The following PRR16 variants were observed in gnomAD, a reference collection of about 807,000 sequenced individuals.
The protein encoded by PRR16 is protein Largen.
PRR16 carries 6 observed loss-of-function variants against 18.2 expected under a neutral mutation model. The ratio of observed to expected loss-of-function variants is 0.33; its 90% CI spans 0.18 to 0.65. PRR16 has a LOEUF of 0.65. Ranked by LOEUF, PRR16 falls within the 30% of genes least tolerant of loss-of-function variation. The probability of loss-of-function intolerance (pLI) is 0.74; values close to 1 mark genes in which losing one functional copy is unlikely to be tolerated. For missense variants in PRR16, 412 were observed against 376.6 expected (o/e 1.09, Z -0.78); for synonymous variants, 151 against 147.8 (o/e 1.02, Z -0.16).
the PRR16 span, among the ~76,000 whole-genome samples, chr5:120,754,137 T>TAATATATAATATGTA: frequency 1.8e-3 from 184 of 100,440 alleles, 1 homozygote; most frequent in African/African-American, 5.9e-3. Context: ...ATATTCCGCT[T>TAATATATAATATGTA]AATATATAAT....
chr5:120,549,491 C>T (rs1035956449), intron 1 of PRR16, among the ~76,000 whole-genome samples: 1 of 151,922 alleles, frequency 6.6e-6, no homozygotes, highest in Non-Finnish European at 1.5e-5. Context: ...GTGGTCTGTT[C>T]CATCAACTAA....
chr5:120,638,007 T>G (rs1228661123), intron 1 of PRR16, among the ~76,000 whole-genome samples: 1 of 152,192 alleles, frequency 6.6e-6, no homozygotes, highest in Non-Finnish European at 1.5e-5. Flanking sequence ...TTGGAATATT[T>G]GTATTTACTT....
At chr5:120,693,262 G>T in the PRR16 span, among the ~76,000 whole-genome samples, 1 of 152,016 alleles carries the variant, frequency 6.6e-6, no homozygotes, top group African/African-American at 2.4e-5. Flanking sequence ...TTTGAGATTT[G>T]GTTTAAAACG....
At chr5:120,699,331 C>T in the PRR16 span, among the ~76,000 whole-genome samples, 5 of 152,112 alleles carry the variant, frequency 3.3e-5, no homozygotes, top group African/African-American at 4.8e-5. Context: ...CCTGGTGGAA[C>T]CGCCGTCAAT....
chr5:120,617,325 T>C (rs893326779), intron 1 of PRR16: 3 of 262,750 alleles, frequency 1.1e-5, no homozygotes, highest in African/African-American at 4.6e-5. Flanking sequence ...ATCAGGTCTC[T>C]TTGAATATTA....
rs569445284 is a variant in PRR16, at chr5:120,547,559, AT to A, written c.159+82926del. Reference sequence around the variant, plus strand: ...ATTATCCTCATTTCGATGCATTTTCATTTTTTTTTTTTACAGTAGTAGCTAC... The same window carrying A: ...ATTATCCTCATTTCGATGCATTTTCATTTTTTTTTTTACAGTAGTAGCTAC... On this transcript the variant is annotated intron_variant, in intron 1 of 1. Transcript: ENST00000407149. 2.4e-3 allele frequency among the ~76,000 whole-genome samples: 354 copies of A among 145,132 alleles called. 1 individual carries two copies. Among genetic ancestry groups the A allele is most frequent in the Middle Eastern group, 0.014 (4 of 278 alleles).
At chr5:120,518,601 C>T (rs746280146) in intron 1 of PRR16, among the ~76,000 whole-genome samples, 6 of 151,560 alleles carry the variant, frequency 4.0e-5, no homozygotes, top group African/African-American at 4.9e-5. Context: ...TGGTTGTCTC[C>T]AGTATTTAGC....
At chr5:120,516,795 G>A (rs59068324) in intron 1 of PRR16, among the ~76,000 whole-genome samples, 1 of 152,116 alleles carries the variant, frequency 6.6e-6, no homozygotes, top group African/African-American at 2.4e-5. Flanking sequence ...TTGCACCATA[G>A]ACTAATGTTA....
chr5:120,490,244 T>A (rs1257665720), intron 1 of PRR16, among the ~76,000 whole-genome samples: 3 of 152,106 alleles, frequency 2.0e-5, no homozygotes, highest in African/African-American at 4.8e-5. Context: ...TCCTGCAGAG[T>A]GTTTTCCATC....
intron 1 of PRR16, among the ~76,000 whole-genome samples, chr5:120,597,309 T>A (rs1384143696): frequency 6.6e-6 from 1 of 151,690 alleles, no homozygotes; most frequent in Non-Finnish European, 1.5e-5. Context: ...ATTGCTATGC[T>A]TTGTGCTTTG....
chr5:120,784,326 A>G, the PRR16 span, among the ~76,000 whole-genome samples: 1 of 152,172 alleles, frequency 6.6e-6, no homozygotes, highest in African/African-American at 2.4e-5. Flanking sequence ...ATTCCTACCA[A>G]CAGTGTACGA....
chr5:120,671,105 A>T (rs1756586498), intron 1 of PRR16, among the ~76,000 whole-genome samples: 1 of 152,024 alleles, frequency 6.6e-6, no homozygotes, highest in Non-Finnish European at 1.5e-5. Flanking sequence ...AAATCCTAAA[A>T]TGTGCACATA....
At chr5:120,488,506 A>C (rs1749899771) in intron 1 of PRR16, among the ~76,000 whole-genome samples, 1 of 152,098 alleles carries the variant, frequency 6.6e-6, no homozygotes, top group Non-Finnish European at 1.5e-5. Flanking sequence ...CCCATTTATC[A>C]TTTTTTATTG....
intron 1 of PRR16, among the ~76,000 whole-genome samples, chr5:120,684,516 G>A (rs184283162): frequency 3.1e-4 from 47 of 152,324 alleles, no homozygotes; most frequent in Admixed American, 1.8e-3. Flanking sequence ...GGAAATGTGT[G>A]AAATGAAGGA....
the PRR16 span, among the ~76,000 whole-genome samples, chr5:120,765,414 A>G: frequency 3.9e-5 from 6 of 152,168 alleles, no homozygotes; most frequent in South Asian, 1.2e-3. Flanking sequence ...TTTAGAATAA[A>G]TCAGCTTAAG....
At chr5:120,768,456 A>T in the PRR16 span, among the ~76,000 whole-genome samples, 14 of 151,536 alleles carry the variant, frequency 9.2e-5, no homozygotes, top group Admixed American at 4.6e-4. Flanking sequence ...TTGGTAAAAA[A>T]ATATATATAT....
At chr5:120,501,643 A>G (rs1197234306) in intron 1 of PRR16, among the ~76,000 whole-genome samples, 3 of 152,184 alleles carry the variant, frequency 2.0e-5, no homozygotes, top group Non-Finnish European at 2.9e-5. Flanking sequence ...ATCCAAATTG[A>G]AAAATGAACA....
At chr5:120,652,882 G>A (rs1580835812) in intron 1 of PRR16, among the ~76,000 whole-genome samples, 2 of 151,918 alleles carry the variant, frequency 1.3e-5, no homozygotes, top group East Asian at 3.9e-4. Flanking sequence ...CTAAAAATAG[G>A]GGAAACTGAG....
chr5:120,661,749 G>A (rs892343557), intron 1 of PRR16, among the ~76,000 whole-genome samples: 4 of 152,056 alleles, frequency 2.6e-5, no homozygotes, highest in East Asian at 1.9e-4. Flanking sequence ...CCTAAAATCT[G>A]TATTTCCAAA....
Sources: allele counts gnomAD v4.1 joint callset (sites outside exome capture counted in the v4.1 genomes callset), GRCh38; gene constraint gnomAD v4.1.1; transcripts MANE v1.5; gene names NCBI Gene and HGNC (gene_info 2026-07-23, HGNC 2026-07-21).